The following SNX7 variants were observed in gnomAD, a reference collection of about 807,000 sequenced individuals.
SNX7 encodes the protein sorting nexin-7.
SNX7 carries 35 observed loss-of-function variants against 48.4 expected under a neutral mutation model. The observed-to-expected ratio is 0.72, with a 90% CI of 0.55 to 0.96. The LOEUF (loss-of-function observed/expected upper bound fraction) is 0.96. Ranked by LOEUF, SNX7 falls within the 40% of genes least tolerant of loss-of-function variation. The pLI is 0.00. For synonymous variants in SNX7, 190 were observed against 190.2 expected, an observed-to-expected ratio of 1.00 and a Z score of 0.01; for missense variants, 553 against 548.9, an observed-to-expected ratio of 1.01 and a Z score of -0.07.
chr1:98,665,694 T>C (rs1649498511), intron 1 of SNX7, among the ~76,000 whole-genome samples: 2 of 152,294 alleles, frequency 1.3e-5, no homozygotes, highest in South Asian at 4.1e-4. Context: ...GTTCAAGCAA[T>C]TCTCCTGCCT....
chr1:98,709,197 T>G (rs1040836075), intron 7 of SNX7, among the ~76,000 whole-genome samples: 6 of 152,220 alleles, frequency 3.9e-5, no homozygotes. Flanking sequence ...AGGATTAGAT[T>G]GTAAATATTT....
intron 4 of SNX7, among the ~76,000 whole-genome samples, chr1:98,694,245 C>T (rs1392502924): frequency 6.6e-6 from 1 of 151,812 alleles, no homozygotes; most frequent in Non-Finnish European, 1.5e-5. Flanking sequence ...TGGTGGGCAC[C>T]TGTAATCCCA....
At chr1:98,735,097 C>G (rs963774979) in intron 7 of SNX7, among the ~76,000 whole-genome samples, 25 of 152,082 alleles carry the variant, frequency 1.6e-4, no homozygotes, top group Admixed American at 9.2e-4. Context: ...TATTCTCCCC[C>G]TCAGATTAAC....
In SNX7 at chr1:98,695,461, T is replaced by C. The variant is rs887641703; in HGVS notation, c.640-57T>C. On this transcript the variant is annotated intron_variant, in intron 4 of 8. Coordinates refer to ENST00000306121, the MANE Select transcript of SNX7 (RefSeq NM_015976.5). ...CTCCTAATTAGGTTTATTTTTGTAT[T>C]GAGTCTCGGAATATTGAGACTTGTT... The C allele has an allele frequency of 2.5e-5, 38 of 1,491,982 alleles. No homozygotes were observed. The Admixed American group carries it at 6.9e-4, about 27-fold the overall frequency. The allele number at this position is 1,491,982 out of a possible 1,614,324, so 92.4% of individuals were successfully genotyped here. A position where few individuals can be genotyped will look rare whatever the true frequency, so the allele number is the denominator to read the frequency against.
intron 7 of SNX7, among the ~76,000 whole-genome samples, chr1:98,727,142 G>A (rs1653221137): frequency 6.6e-6 from 1 of 152,218 alleles, no homozygotes; most frequent in South Asian, 2.1e-4. Context: ...CCCGGGACGT[G>A]GAGTGTGCAG....
At chr1:98,686,915 A>G (rs1650831818) in intron 2 of SNX7, among the ~76,000 whole-genome samples, 1 of 152,122 alleles carries the variant, frequency 6.6e-6, no homozygotes, top group Admixed American at 6.6e-5. Flanking sequence ...CGTCTCTCAG[A>G]AAGACACTCT....
chr1:98,679,146 A>G (rs1259983294), intron 1 of SNX7, among the ~76,000 whole-genome samples: 4 of 152,218 alleles, frequency 2.6e-5, no homozygotes, highest in Non-Finnish European at 5.9e-5. Flanking sequence ...GGGAGCCTCA[A>G]TCATGGTGAA....
intron 1 of SNX7, among the ~76,000 whole-genome samples, chr1:98,670,186 T>A (rs1161644103): frequency 1.3e-5 from 2 of 152,058 alleles, no homozygotes; most frequent in Admixed American, 1.3e-4. Flanking sequence ...TGAGCCTCAA[T>A]CCTGAACAAA....
At chr1:98,699,373 TA>T (rs1651636079) in intron 6 of SNX7, among the ~76,000 whole-genome samples, 1 of 152,178 alleles carries the variant, frequency 6.6e-6, no homozygotes, top group Non-Finnish European at 1.5e-5. Flanking sequence ...TCTTTCAAGT[TA>T]AAATGTTTTT....
chr1:98,705,085 C>A (rs1651946117), intron 7 of SNX7, among the ~76,000 whole-genome samples: 1 of 152,008 alleles, frequency 6.6e-6, no homozygotes, highest in African/African-American at 2.4e-5. Flanking sequence ...ACAGATATAC[C>A]CACAAAAGGT....
chr1:98,687,393 T>C (rs142012242), intron 2 of SNX7, among the ~76,000 whole-genome samples: 1 of 152,230 alleles, frequency 6.6e-6, no homozygotes, highest in East Asian at 1.9e-4. Flanking sequence ...ACTTTTACTA[T>C]TTCATAGTAT....
intron 7 of SNX7, among the ~76,000 whole-genome samples, chr1:98,729,536 A>G (rs1653378396): frequency 6.6e-6 from 1 of 151,940 alleles, no homozygotes; most frequent in South Asian, 2.1e-4. Context: ...TGAAGAAAAG[A>G]GAGAAGAATC....
intron 7 of SNX7, among the ~76,000 whole-genome samples, chr1:98,709,286 A>C (rs1461039514): frequency 6.6e-6 from 1 of 152,208 alleles, no homozygotes; most frequent in Non-Finnish European, 1.5e-5. Flanking sequence ...GAAAGTGTTA[A>C]CTGCAGTCCT....
intron 7 of SNX7, among the ~76,000 whole-genome samples, chr1:98,725,762 G>C (rs1264632224): frequency 2.0e-5 from 3 of 152,154 alleles, no homozygotes; most frequent in Non-Finnish European, 4.4e-5. Flanking sequence ...TCTTGGATTT[G>C]AGAGGAATAA....
intron 5 of SNX7, 42 bp downstream of exon 5, chr1:98,695,758 T>G (rs1171015289): frequency 7.5e-7 from 1 of 1,338,022 alleles, no homozygotes. Context: ...GTTGTTCAGT[T>G]TCTGATGAAT....
intron 8 of SNX7, among the ~76,000 whole-genome samples, chr1:98,745,061 T>C (rs1317809957): frequency 6.6e-6 from 1 of 152,110 alleles, no homozygotes; most frequent in Non-Finnish European, 1.5e-5. Context: ...AGTCATCTAA[T>C]ACTTGCTCAA....
intron 1 of SNX7, among the ~76,000 whole-genome samples, chr1:98,684,484 A>G (rs1265828206): frequency 6.6e-6 from 1 of 152,072 alleles, no homozygotes; most frequent in Non-Finnish European, 1.5e-5. Flanking sequence ...AGGGCAGGAG[A>G]GGCACTAGCT....
intron 8 of SNX7, among the ~76,000 whole-genome samples, chr1:98,751,943 A>G (rs1375297560): frequency 6.6e-6 from 1 of 152,128 alleles, no homozygotes; most frequent in Non-Finnish European, 1.5e-5. Context: ...GAACTATTAA[A>G]TGTCAGGCCA....
intron 2 of SNX7, among the ~76,000 whole-genome samples, chr1:98,689,642 T>G (rs1235421893): frequency 6.6e-6 from 1 of 152,196 alleles, no homozygotes; most frequent in Non-Finnish European, 1.5e-5. Context: ...TTATGGCAAT[T>G]TATATTCTTA....
Sources: allele counts gnomAD v4.1 joint callset (sites outside exome capture counted in the v4.1 genomes callset), GRCh38; gene constraint gnomAD v4.1.1; transcripts MANE v1.5; gene names NCBI Gene and HGNC (gene_info 2026-07-23, HGNC 2026-07-21).